ADAMTS6: variants seen among roughly 807,000 people sequenced by gnomAD.
ADAMTS6 encodes ADAM metallopeptidase with thrombospondin type 1 motif 6, also known as A disintegrin and metalloproteinase with thrombospondin motifs 6.
In ADAMTS6, 23 loss-of-function variants were observed where a neutral mutation model predicts 144.3. That is an observed-to-expected ratio of 0.16 (90% confidence interval 0.11 to 0.23). The LOEUF is 0.23. Among genes scored for constraint, ADAMTS6 ranks in the 10% least tolerant of loss-of-function variants. ADAMTS6 has a pLI of 1.00. For synonymous variants in ADAMTS6, 444 were observed against 457.5 expected (o/e 0.97, Z 0.38); for missense variants, 999 against 1,379.6 (o/e 0.72, Z 4.37).
At chr5:65,327,030 G>T (rs901672985) in intron 9 of ADAMTS6, among the ~76,000 whole-genome samples, 1 of 152,158 alleles carries the variant, frequency 6.6e-6, no homozygotes, top group Non-Finnish European at 1.5e-5. Context: ...GAGGTATTTG[G>T]GTAATGGGGG....
chr5:65,389,476 C>A (rs1752737327), intron 7 of ADAMTS6, among the ~76,000 whole-genome samples: 1 of 151,938 alleles, frequency 6.6e-6, no homozygotes, highest in South Asian at 2.1e-4. Flanking sequence ...TCTGTAAGAG[C>A]TATAAGCATA....
At chr5:65,475,008 G>C (rs767407907) in intron 1 of ADAMTS6, among the ~76,000 whole-genome samples, 2 of 151,936 alleles carry the variant, frequency 1.3e-5, no homozygotes, top group Non-Finnish European at 2.9e-5. Flanking sequence ...GTAAGTTACT[G>C]TTAGTAAGTT....
At chr5:65,430,349 G>A (rs1284416357) in intron 7 of ADAMTS6, among the ~76,000 whole-genome samples, 1 of 151,932 alleles carries the variant, frequency 6.6e-6, no homozygotes, top group Non-Finnish European at 1.5e-5. Flanking sequence ...AATTAGAGAG[G>A]CTCAGTTTCA....
At chr5:65,405,869 G>A (rs1715505489) in intron 7 of ADAMTS6, among the ~76,000 whole-genome samples, 1 of 152,128 alleles carries the variant, frequency 6.6e-6, no homozygotes, top group Non-Finnish European at 1.5e-5. Context: ...CACATCCCTT[G>A]TAAGTTGGAT....
At chr5:65,193,015 A>C (rs951338152) in intron 21 of ADAMTS6, among the ~76,000 whole-genome samples, 2 of 152,034 alleles carry the variant, frequency 1.3e-5, no homozygotes, top group Non-Finnish European at 2.9e-5. Flanking sequence ...AATACGATTT[A>C]GAATTTTAAA....
intron 9 of ADAMTS6, among the ~76,000 whole-genome samples, chr5:65,315,382 T>C (rs529003711): frequency 1.3e-5 from 2 of 151,732 alleles, no homozygotes; most frequent in Non-Finnish European, 2.9e-5. Flanking sequence ...AGAGAAGAGA[T>C]AAAATGGAAT....
intron 11 of ADAMTS6, among the ~76,000 whole-genome samples, chr5:65,288,317 T>C (rs1741912774): frequency 8.1e-6 from 1 of 124,032 alleles, no homozygotes; most frequent in African/African-American, 3.6e-5. Flanking sequence ...TCTTTTCTTT[T>C]CTTTTTTTTT....
At chr5:65,368,600 G>A (rs991294375) in intron 7 of ADAMTS6, among the ~76,000 whole-genome samples, 6 of 152,238 alleles carry the variant, frequency 3.9e-5, no homozygotes, top group South Asian at 2.1e-4. Context: ...CTGGAAATGC[G>A]GTGTCCATCT....
At chr5:65,348,528 T>C (rs1748560287) in intron 7 of ADAMTS6, among the ~76,000 whole-genome samples, 3 of 152,084 alleles carry the variant, frequency 2.0e-5, no homozygotes, top group Non-Finnish European at 4.4e-5. Flanking sequence ...GGGGAGATAT[T>C]GATTATAGCA....
chr5:65,449,166 A>G (rs898369411), intron 7 of ADAMTS6, among the ~76,000 whole-genome samples: 1 of 152,222 alleles, frequency 6.6e-6, no homozygotes, highest in African/African-American at 2.4e-5. Flanking sequence ...ATAAGAGTTC[A>G]AAAAAGAATT....
chr5:65,343,253 A>G (rs1748022379), intron 7 of ADAMTS6, among the ~76,000 whole-genome samples: 1 of 152,162 alleles, frequency 6.6e-6, no homozygotes, highest in Admixed American at 6.6e-5. Context: ...ATAAGCAAAA[A>G]GAACAAAGAT....
chr5:65,151,702 G>A lies in ADAMTS6; in HGVS notation c.*134C>T, dbSNP rs1191178744. 2 of 698,002 alleles carry A rather than the reference G, an allele frequency of 2.9e-6. No homozygotes were observed. Among genetic ancestry groups the A allele is most frequent in the Non-Finnish European group, 4.8e-6 (2 of 416,496 alleles). 43.2% of individuals were successfully genotyped at this position (698,002 alleles called of 1,614,324 possible). ...ATAATATTGAAATTTTGTCAGCTAGGGCTGACCAGTGGTTACGTTTTCCAC... is the reference window on the plus strand; with the variant it reads ...ATAATATTGAAATTTTGTCAGCTAGAGCTGACCAGTGGTTACGTTTTCCAC... On this transcript the variant is annotated 3_prime_UTR_variant, in exon 25 of 25. Coordinates refer to ENST00000381055, the MANE Select transcript of ADAMTS6 (RefSeq NM_197941.4).
intron 24 of ADAMTS6, among the ~76,000 whole-genome samples, chr5:65,159,322 AG>A (rs1176658358): frequency 6.6e-6 from 1 of 151,850 alleles, no homozygotes; most frequent in African/African-American, 2.4e-5. Context: ...ATCAAACCCC[AG>A]TTTTTTTTCA....
At chr5:65,351,817 A>G (rs1289546526) in intron 7 of ADAMTS6, among the ~76,000 whole-genome samples, 3 of 152,060 alleles carry the variant, frequency 2.0e-5, no homozygotes, top group Admixed American at 2.0e-4. Flanking sequence ...CAAAAAAAAA[A>G]GAGAAGAAGA....
intron 15 of ADAMTS6, among the ~76,000 whole-genome samples, chr5:65,229,808 A>G (rs1430186920): frequency 6.6e-6 from 1 of 152,146 alleles, no homozygotes; most frequent in Non-Finnish European, 1.5e-5. Flanking sequence ...CATTATAGGA[A>G]TCTTAGGTGG....
chr5:65,245,964 C>A (rs970058378), intron 14 of ADAMTS6, among the ~76,000 whole-genome samples: 1 of 152,024 alleles, frequency 6.6e-6, no homozygotes, highest in Non-Finnish European at 1.5e-5. Context: ...TTCACAGAAC[C>A]AAACTCAATT....
chr5:65,252,269 C>A (rs539995829), intron 14 of ADAMTS6, among the ~76,000 whole-genome samples: 1 of 152,052 alleles, frequency 6.6e-6, no homozygotes, highest in South Asian at 2.1e-4. Flanking sequence ...TGTCTCTTTA[C>A]TTGGGTTACT....
intron 7 of ADAMTS6, among the ~76,000 whole-genome samples, chr5:65,402,745 A>C (rs577956344): frequency 6.6e-6 from 1 of 151,836 alleles, no homozygotes; most frequent in Admixed American, 6.6e-5. Flanking sequence ...TCTTAAGGAC[A>C]CTGTTACTAC....
At chr5:65,479,616 A>G (rs757733521) in intron 1 of ADAMTS6, among the ~76,000 whole-genome samples, 3 of 152,146 alleles carry the variant, frequency 2.0e-5, no homozygotes, top group Non-Finnish European at 4.4e-5. Context: ...GCTGTTAACT[A>G]TCTCTTAATA....
Sources: gnomAD v4.1 joint callset for allele counts (sites outside exome capture counted in the v4.1 genomes callset) on GRCh38, gnomAD v4.1.1 for gene constraint, MANE v1.5 for transcripts, NCBI Gene and HGNC (gene_info 2026-07-23, HGNC 2026-07-21) for gene names.